WDR37: variants seen among roughly 807,000 people sequenced by gnomAD.
The protein encoded by WDR37 is WD repeat-containing protein 37.
A neutral mutation model predicts 62.9 loss-of-function variants in WDR37; 19 were observed. The ratio of observed to expected loss-of-function variants is 0.30; its 90% CI spans 0.21 to 0.44. The LOEUF (loss-of-function observed/expected upper bound fraction) is 0.44. Ranked by LOEUF, WDR37 falls within the 20% of genes least tolerant of loss-of-function variation. WDR37 has a pLI of 1.00. For synonymous variants in WDR37, 250 were observed against 260.9 expected, an observed-to-expected ratio of 0.96 and a Z score of 0.40; for missense variants, 474 against 657.6, an observed-to-expected ratio of 0.72 and a Z score of 3.05.
intron 2 of WDR37, among the ~76,000 whole-genome samples, chr10:1,074,867 G>C (rs1202691394): frequency 6.6e-6 from 1 of 152,260 alleles, no homozygotes; most frequent in African/African-American, 2.4e-5. Flanking sequence ...GCAGGCGCAG[G>C]AGGTCTGTCG....
intron 8 of WDR37, 63 bp from the exon 9 acceptor site, chr10:1,096,107 G>T: frequency 1.3e-6 from 2 of 1,516,864 alleles, no homozygotes; most frequent in Non-Finnish European, 1.8e-6. Flanking sequence ...CCATAGTGGC[G>T]GTGAAGAGCG....
At chr10:1,070,988 C>T (rs1217408567) in intron 1 of WDR37, among the ~76,000 whole-genome samples, 2 of 152,190 alleles carry the variant, frequency 1.3e-5, no homozygotes, top group Non-Finnish European at 1.5e-5. Context: ...GGGCTGGGCA[C>T]ACCAGAAATA....
intron 9 of WDR37, among the ~76,000 whole-genome samples, chr10:1,101,535 A>C (rs375653690): frequency 1.2e-3 from 178 of 152,326 alleles, no homozygotes; most frequent in African/African-American, 3.5e-3. Flanking sequence ...ACTTCGACAC[A>C]GGAATTTGGG....
intron 13 of WDR37, 158 bp downstream of exon 13, chr10:1,125,182 T>A: frequency 1.1e-6 from 1 of 884,490 alleles, no homozygotes; most frequent in Non-Finnish European, 1.4e-6. Flanking sequence ...ATTGAAGAAG[T>A]AGAGTTGTAC....
intron 1 of WDR37, among the ~76,000 whole-genome samples, chr10:1,058,565 AC>A (rs1377440373): frequency 6.6e-6 from 1 of 152,220 alleles, no homozygotes; most frequent in Non-Finnish European, 1.5e-5. Flanking sequence ...TCTTTTAACT[AC>A]TGAGATCTTT....
At chr10:1,125,596 C>G (rs1368298562) in intron 13 of WDR37, among the ~76,000 whole-genome samples, 1 of 152,132 alleles carries the variant, frequency 6.6e-6, no homozygotes, top group Non-Finnish European at 1.5e-5. Flanking sequence ...GCGGAACGAG[C>G]TCTTTGGTGC....
intron 11 of WDR37, among the ~76,000 whole-genome samples, chr10:1,108,956 C>T (rs111691924): frequency 1.3e-5 from 2 of 152,184 alleles, no homozygotes; most frequent in African/African-American, 4.8e-5. Context: ...ATGGGGGTTG[C>T]AGGGATAGGC....
intron 11 of WDR37, among the ~76,000 whole-genome samples, chr10:1,117,816 T>C (rs1218702832): frequency 2.6e-5 from 4 of 152,222 alleles, no homozygotes; most frequent in African/African-American, 7.2e-5. Flanking sequence ...CCGGGTGGCA[T>C]GTGAGGGTCG....
At chr10:1,075,273 C>CTTT (rs61550443) in intron 2 of WDR37, among the ~76,000 whole-genome samples, 1 of 139,282 alleles carries the variant, frequency 7.2e-6, no homozygotes, top group South Asian at 2.2e-4. Flanking sequence ...ATAGCAATTC[C>CTTT]TTTTTTTTTT....
chr10:1,104,429 C>A (rs1834936719), intron 10 of WDR37, among the ~76,000 whole-genome samples: 1 of 152,256 alleles, frequency 6.6e-6, no homozygotes. Context: ...AGCCGCTTTC[C>A]TCTGCAGCTG....
chr10:1,089,270 A>ACG (rs1306739184), intron 7 of WDR37, among the ~76,000 whole-genome samples: 4 of 151,938 alleles, frequency 2.6e-5, no homozygotes, highest in African/African-American at 9.7e-5. Context: ...ATCCAGCCTC[A>ACG]GTTCCTGTCA....
At chr10:1,089,508 C>G (rs1834310420) in intron 7 of WDR37, among the ~76,000 whole-genome samples, 1 of 152,142 alleles carries the variant, frequency 6.6e-6, no homozygotes, top group Admixed American at 6.5e-5. Context: ...GCTGCCTTGT[C>G]CCAGCAGGAA....
chr10:1,103,719 G>A lies in WDR37; in HGVS notation c.844G>A (p.Gly282Ser), dbSNP rs779438792. The change falls in exon 10 of 14, where the codon GGC (glycine) becomes AGC (serine). Residue 282 changes from glycine (G) to serine (S), a missense_variant. By Grantham distance (56) the Gly-to-Ser change is moderately conservative. Coordinates refer to ENST00000263150, the MANE Select transcript of WDR37 (RefSeq NM_014023.4). This position sits in a 1 kb window ranked among gnomAD's most constrained non-coding sequence, Gnocchi z 6.3. ...ACTGACATCCCTCAAGAGCCACCAG[G>A]GCGTGGTCATCGCCTCCGACTGGCT... ...VPLTSLKSHQ[G>S]VVIASDWLVG... The A allele has an allele frequency of 6.2e-7, 1 of 1,614,226 alleles. No individual in the cohort carries two copies. The highest frequency in any genetic ancestry group is 2.2e-5 in the East Asian group (1 of 44,890).
chr10:1,083,743 G>A (rs78501263), intron 5 of WDR37, among the ~76,000 whole-genome samples: 6 of 152,312 alleles, frequency 3.9e-5, no homozygotes, highest in South Asian at 4.1e-4. Context: ...ATGTGTTCGC[G>A]TTGTCTCCTG....
At chr10:1,127,621 C>T (rs955418591) in intron 13 of WDR37, among the ~76,000 whole-genome samples, 6 of 151,932 alleles carry the variant, frequency 3.9e-5, no homozygotes, top group African/African-American at 9.7e-5. Flanking sequence ...TTTGGGAAAG[C>T]GAGCTTGGTG....
At chr10:1,064,971 G>A (rs573752907) in intron 1 of WDR37, among the ~76,000 whole-genome samples, 1 of 152,146 alleles carries the variant, frequency 6.6e-6, no homozygotes, top group African/African-American at 2.4e-5. Context: ...TGAAGGAAAA[G>A]GACTATCAAC....
chr10:1,112,700 G>T (rs1589117282), intron 11 of WDR37, among the ~76,000 whole-genome samples: 1 of 152,252 alleles, frequency 6.6e-6, no homozygotes, highest in Non-Finnish European at 1.5e-5. Flanking sequence ...AAGGAACTTT[G>T]AGTGGTCTGC....
intron 1 of WDR37, among the ~76,000 whole-genome samples, chr10:1,064,697 G>A (rs958416446): frequency 2.2e-5 from 3 of 139,420 alleles, no homozygotes; most frequent in African/African-American, 7.9e-5. Context: ...CCAGGTTCAA[G>A]CAGTTCTGCC....
chr10:1,099,741 G>A lies in WDR37; in HGVS notation c.726+3495G>A, dbSNP rs140947889. Among the ~76,000 whole-genome samples the A allele has an allele frequency of 3.4e-3, 468 of 135,684 alleles. 1 individual carries two copies. The highest frequency in any genetic ancestry group is 6.2e-3 in the East Asian group (28 of 4,490). 89.0% of individuals were successfully genotyped at this position (135,684 alleles called of 152,430 possible). A position where few individuals can be genotyped will look rare whatever the true frequency, so the allele number is the denominator to read the frequency against. On this transcript the variant is annotated intron_variant, in intron 9 of 13. Coordinates refer to ENST00000263150, the MANE Select transcript of WDR37 (RefSeq NM_014023.4). ...TGAGCATTGATGCTTAGGAAATTCA[G>A]CGTGTGCACTGATGGTGTGGCGGAG... is the stretch of plus-strand genomic sequence containing the variant.
Sources: gnomAD v4.1 joint callset for allele counts (sites outside exome capture counted in the v4.1 genomes callset) on GRCh38, gnomAD v4.1.1 for gene constraint, Gnocchi (gnomAD v3.1) non-coding constraint, MANE v1.5 for transcripts, NCBI Gene and HGNC (gene_info 2026-07-23, HGNC 2026-07-21) for gene names.